ZBTB7C: variants seen among roughly 807,000 people sequenced by gnomAD.
The protein encoded by ZBTB7C is zinc finger and BTB domain-containing protein 7C.
ZBTB7C carries 8 observed loss-of-function variants against 25.7 expected under a neutral mutation model. The observed-to-expected ratio is 0.31, with a 90% confidence interval of 0.18 to 0.56. The LOEUF is 0.56. ZBTB7C is among the 20% of genes least tolerant of loss of function. ZBTB7C has a pLI of 0.91. For synonymous variants in ZBTB7C, 394 were observed against 369.0 expected (o/e 1.07, Z -0.78); for missense variants, 824 against 855.2 (o/e 0.96, Z 0.46).
At chr18:48,070,722 G>A (rs946855611) in intron 3 of ZBTB7C, among the ~76,000 whole-genome samples, 2 of 152,180 alleles carry the variant, frequency 1.3e-5, no homozygotes, top group African/African-American at 4.8e-5. Flanking sequence ...GTACATGTTG[G>A]GGGAAGGAGT....
At chr18:48,251,762 CA>C (rs1235529090) in intron 2 of ZBTB7C, among the ~76,000 whole-genome samples, 1 of 152,200 alleles carries the variant, frequency 6.6e-6, no homozygotes, top group Non-Finnish European at 1.5e-5. Flanking sequence ...CTGCTCTGAC[CA>C]ATCTCTGCGG....
chr18:48,320,942 G>A (rs1223594135), intron 2 of ZBTB7C, among the ~76,000 whole-genome samples: 1 of 152,246 alleles, frequency 6.6e-6, no homozygotes, highest in Admixed American at 6.5e-5. Flanking sequence ...GCTCCAACCA[G>A]GGGTCCTGTT....
At chr18:48,200,020 GT>G in intron 2 of ZBTB7C, among the ~76,000 whole-genome samples, 1 of 112,164 alleles carries the variant, frequency 8.9e-6, no homozygotes, top group Non-Finnish European at 2.0e-5. Context: ...GTGTGTGTGT[GT>G]AATTTTTTTT....
intron 2 of ZBTB7C, among the ~76,000 whole-genome samples, chr18:48,277,176 C>T (rs961663278): frequency 4.2e-5 from 6 of 142,978 alleles, no homozygotes; most frequent in African/African-American, 7.9e-5. Flanking sequence ...AGCTTCTGCA[C>T]AGCAAAAGAA....
At chr18:48,030,610 C>G (rs992441044) in intron 4 of ZBTB7C, among the ~76,000 whole-genome samples, 8 of 152,210 alleles carry the variant, frequency 5.3e-5, no homozygotes, top group Non-Finnish European at 1.2e-4. Flanking sequence ...TGGTATTATT[C>G]ACAGGTAAGG....
At chr18:48,082,367 T>C (rs975238695) in intron 3 of ZBTB7C, among the ~76,000 whole-genome samples, 3 of 152,170 alleles carry the variant, frequency 2.0e-5, no homozygotes, top group Non-Finnish European at 2.9e-5. Context: ...TTAGTCATCT[T>C]GGGTATTTTC....
intron 4 of ZBTB7C, among the ~76,000 whole-genome samples, chr18:48,036,251 T>C (rs968568479): frequency 1.3e-5 from 2 of 152,138 alleles, no homozygotes; most frequent in African/African-American, 4.8e-5. Context: ...GTCCCTCCTC[T>C]CTAGACCCAC....
intron 2 of ZBTB7C, among the ~76,000 whole-genome samples, chr18:48,334,720 TA>T (rs2046421639): frequency 6.6e-6 from 1 of 152,186 alleles, no homozygotes; most frequent in Non-Finnish European, 1.5e-5. Context: ...CTGAACTCCC[TA>T]CCCTAAGGGG....
intron 3 of ZBTB7C, among the ~76,000 whole-genome samples, chr18:48,174,055 C>T (rs77218850): frequency 0.043 from 6,582 of 152,318 alleles, 215 homozygotes; most frequent in Non-Finnish European, 0.063. Context: ...TTAAAAATTA[C>T]GTTTCCACAT....
At chr18:48,208,164 G>T (rs2042623692) in intron 2 of ZBTB7C, among the ~76,000 whole-genome samples, 1 of 152,098 alleles carries the variant, frequency 6.6e-6, no homozygotes, top group South Asian at 2.1e-4. Flanking sequence ...AGAGCCTTGG[G>T]GAACAGAGCA....
intron 1 of ZBTB7C, among the ~76,000 whole-genome samples, chr18:48,349,411 C>A (rs1191148345): frequency 6.6e-6 from 1 of 152,124 alleles, no homozygotes; most frequent in African/African-American, 2.4e-5. Context: ...ACTATAGAGG[C>A]TGCATATGTG....
intron 1 of ZBTB7C, among the ~76,000 whole-genome samples, chr18:48,366,876 T>C (rs959067348): frequency 6.6e-6 from 1 of 152,040 alleles, no homozygotes; most frequent in Non-Finnish European, 1.5e-5. Context: ...AGGGCACACA[T>C]ACACATACAT....
chr18:48,144,493 A>G (rs1202609859), intron 3 of ZBTB7C, among the ~76,000 whole-genome samples: 2 of 151,808 alleles, frequency 1.3e-5, no homozygotes, highest in African/African-American at 4.8e-5. Flanking sequence ...ACAGGTGCAC[A>G]CCACCATGCC....
intron 3 of ZBTB7C, among the ~76,000 whole-genome samples, chr18:48,078,705 T>C (rs2037867228): frequency 6.6e-6 from 1 of 152,134 alleles, no homozygotes; most frequent in South Asian, 2.1e-4. Flanking sequence ...CATAGGCAGG[T>C]AGCAGGGTGG....
intron 3 of ZBTB7C, among the ~76,000 whole-genome samples, chr18:48,141,713 G>T (rs926490003): frequency 2.0e-5 from 3 of 152,158 alleles, no homozygotes; most frequent in African/African-American, 7.2e-5. Flanking sequence ...ATTCCTCCTT[G>T]TACTTCTTGG....
At chr18:48,175,391 A>C (rs1440706706) in intron 3 of ZBTB7C, among the ~76,000 whole-genome samples, 2 of 152,210 alleles carry the variant, frequency 1.3e-5, no homozygotes, top group Non-Finnish European at 2.9e-5. Context: ...TCACTGCTGA[A>C]GAAGGACATG....
chr18:48,410,991 T>C (rs1199280768), upstream of ZBTB7C, among the ~76,000 whole-genome samples: 1 of 152,234 alleles, frequency 6.6e-6, no homozygotes, highest in East Asian at 1.9e-4. Flanking sequence ...TTTTACAGAA[T>C]TCACAAAAAT....
chr18:48,268,007 C>G (rs1333387190), intron 2 of ZBTB7C, among the ~76,000 whole-genome samples: 1 of 152,218 alleles, frequency 6.6e-6, no homozygotes, highest in Non-Finnish European at 1.5e-5. Context: ...CTCTGTCTCA[C>G]AGATGTGAAT....
In ZBTB7C at chr18:48,040,892, GGGCT is replaced by G. The variant is rs773825535; in HGVS notation, c.212_215del (p.Gln71ProfsTer49). 1 of 1,614,206 alleles carries G rather than the reference GGGCT, an allele frequency of 6.2e-7. No homozygotes were observed. Among genetic ancestry groups the G allele is most frequent in the Non-Finnish European group, 8.5e-7 (1 of 1,180,038 alleles). ...GGACAAAGTCGATCTCATAGACGTA[GGGCT>G]GGCTGGCTAGGGTGCCGGCTGTGAA... is the stretch of plus-strand genomic sequence containing the variant. On this transcript the variant is annotated frameshift_variant, in exon 4 of 5. Transcript: ENST00000590800. LOFTEE classifies it high-confidence loss of function.
Sources: gnomAD v4.1 joint callset for allele counts (sites outside exome capture counted in the v4.1 genomes callset) on GRCh38, gnomAD v4.1.1 for gene constraint, MANE v1.5 for transcripts, NCBI Gene and HGNC (gene_info 2026-07-23, HGNC 2026-07-21) for gene names.